Variants in TENM2 observed in about 807,000 individuals in gnomAD.
TENM2 encodes teneurin transmembrane protein 2.
A neutral mutation model predicts 245.2 loss-of-function variants in TENM2; 52 were observed. The ratio of observed to expected loss-of-function variants is 0.21; its 90% CI spans 0.17 to 0.27. TENM2 has a LOEUF of 0.27. TENM2 is among the 10% of genes least tolerant of loss of function. The probability of loss-of-function intolerance (pLI) is 1.00; values close to 1 mark genes in which losing one functional copy is unlikely to be tolerated. For missense variants in TENM2, 3,046 were observed against 3,666.8 expected, an observed-to-expected ratio of 0.83 and a Z score of 4.37; for synonymous variants, 1,363 against 1,438.9, an observed-to-expected ratio of 0.95 and a Z score of 1.19.
At chr5:167,087,502 C>A in the TENM2 span, among the ~76,000 whole-genome samples, 6 of 152,122 alleles carry the variant, frequency 3.9e-5, no homozygotes, top group African/African-American at 1.2e-4. Flanking sequence ...TTTTTAACCT[C>A]CTACAATTAA....
At chr5:167,415,706 G>T (rs1409100777) in intron 2 of TENM2, among the ~76,000 whole-genome samples, 1 of 151,974 alleles carries the variant, frequency 6.6e-6, no homozygotes, top group Non-Finnish European at 1.5e-5. Flanking sequence ...AAATTCTATG[G>T]TTGAAGTTTT....
the TENM2 span, among the ~76,000 whole-genome samples, chr5:167,224,009 T>A: frequency 6.6e-6 from 1 of 152,148 alleles, no homozygotes. Flanking sequence ...ATGTCTATCA[T>A]GTTCTTTGCC....
chr5:167,375,398 G>A, exon 2 of TENM2: 6 of 1,551,650 alleles, frequency 3.9e-6, no homozygotes, highest in Non-Finnish European at 5.2e-6. Context: ...GCGCAGTTCC[G>A]GCCTGTCCAG....
chr5:167,039,792 G>T, the TENM2 span, among the ~76,000 whole-genome samples: 3 of 151,524 alleles, frequency 2.0e-5, no homozygotes, highest in African/African-American at 7.3e-5. Flanking sequence ...TGGATTTTTT[G>T]TACCTTGAGT....
At chr5:167,555,671 T>C (rs1437902854) in intron 2 of TENM2, among the ~76,000 whole-genome samples, 1 of 152,092 alleles carries the variant, frequency 6.6e-6, no homozygotes, top group East Asian at 1.9e-4. Flanking sequence ...CTAAATCCCC[T>C]AGAGACAACT....
chr5:167,829,197 G>A (rs1768248659), intron 2 of TENM2, among the ~76,000 whole-genome samples: 1 of 152,208 alleles, frequency 6.6e-6, no homozygotes, highest in African/African-American at 2.4e-5. Flanking sequence ...TTATGAAGAA[G>A]AAGAAAAGTA....
At chr5:167,812,237 T>A (rs1177809095) in intron 2 of TENM2, among the ~76,000 whole-genome samples, 1 of 152,188 alleles carries the variant, frequency 6.6e-6, no homozygotes, top group African/African-American at 2.4e-5. Context: ...GATGATGGAA[T>A]GTAATGAAGG....
intron 2 of TENM2, among the ~76,000 whole-genome samples, chr5:167,793,005 T>C (rs1385707066): frequency 6.6e-6 from 1 of 152,156 alleles, no homozygotes; most frequent in Non-Finnish European, 1.5e-5. Context: ...GTACAAACAC[T>C]TCCTGGATTC....
chr5:167,190,339 T>C, the TENM2 span, among the ~76,000 whole-genome samples: 1 of 152,068 alleles, frequency 6.6e-6, no homozygotes, highest in Non-Finnish European at 1.5e-5. Flanking sequence ...TTAGCTCCCT[T>C]TAAGGTGAAG....
intron 2 of TENM2, among the ~76,000 whole-genome samples, chr5:167,493,106 T>A (rs1174264744): frequency 6.6e-6 from 1 of 151,988 alleles, no homozygotes; most frequent in Non-Finnish European, 1.5e-5. Flanking sequence ...CCCTGATAGG[T>A]TCATATTCAT....
chr5:167,107,091 C>CA, the TENM2 span, among the ~76,000 whole-genome samples: 2,896 of 68,872 alleles, frequency 0.042, 35 homozygotes, highest in East Asian at 0.057. Context: ...CTAAAAAATA[C>CA]AAAAAAAAAA....
chr5:167,324,976 C>T (rs1167130879), intron 1 of TENM2, among the ~76,000 whole-genome samples: 8 of 152,248 alleles, frequency 5.3e-5, no homozygotes, highest in East Asian at 1.9e-4. Flanking sequence ...CAAGTGTGAA[C>T]GTGGCTCTAG....
the TENM2 span, among the ~76,000 whole-genome samples, chr5:167,181,099 C>T: frequency 4.7e-3 from 709 of 151,918 alleles, 6 homozygotes; most frequent in African/African-American, 0.016. Context: ...CAGAATAGCA[C>T]AGAGATGCGC....
Position 168,247,101 on chromosome 5 carries a change from C to T in TENM2, c.6162C>T (p.Leu2054=), listed in dbSNP as rs766362602. ...CTGGTGTCTTGAAGATGGTCAACCT[C>T]CAAAGTGGGGGCTTCTCCTGCACCA... is the stretch of plus-strand genomic sequence containing the variant. Residue 2054 remains leucine, a synonymous_variant, in exon 27 of 29, where the codon CTC becomes CTT. Transcript: ENST00000518659. The surrounding 1 kb of genome is among the most constrained non-coding windows in gnomAD (Gnocchi z 7.8). The T allele has an allele frequency of 6.2e-7, 1 of 1,613,918 alleles. No homozygotes were observed. The highest frequency in any genetic ancestry group is 1.7e-5 in the Admixed American group (1 of 60,010).
intron 1 of TENM2, among the ~76,000 whole-genome samples, chr5:167,289,454 C>G (rs182237727): frequency 6.6e-6 from 1 of 151,940 alleles, no homozygotes; most frequent in Non-Finnish European, 1.5e-5. Flanking sequence ...AGGTCAAGGT[C>G]GAAGAAAAAA....
intron 2 of TENM2, among the ~76,000 whole-genome samples, chr5:167,519,337 C>T (rs1049149302): frequency 5.3e-5 from 8 of 152,012 alleles, no homozygotes; most frequent in Admixed American, 1.3e-4. Context: ...GTGTGTCGAC[C>T]GGTTGATCAA....
rs116977699 is a variant in TENM2, at chr5:167,405,294, A to G, written c.502+29821A>G. Among the ~76,000 whole-genome samples, 787 of 152,004 alleles carry G rather than the reference A, an allele frequency of 5.2e-3. 5 individuals are homozygous for G. Among genetic ancestry groups the G allele is most frequent in the Middle Eastern group, 0.027 (8 of 294 alleles). On this transcript the variant is annotated intron_variant, in intron 2 of 28. Transcript: ENST00000518659. ...TAGCATGGTGCAAAATAGGCCTTGA[A>G]GTTTCCTGCATCTGGGTGCAAACTC... is the stretch of plus-strand genomic sequence containing the variant.
intron 2 of TENM2, chr5:167,754,884 C>T (rs919462916): frequency 1.2e-6 from 1 of 843,786 alleles, no homozygotes; most frequent in Admixed American, 3.2e-5. Flanking sequence ...CTGAGGCTGT[C>T]TACAGGGAAG....
At chr5:167,863,458 TACACACAC>T (rs35475369) in intron 2 of TENM2, among the ~76,000 whole-genome samples, 23 of 143,230 alleles carry the variant, frequency 1.6e-4, no homozygotes, top group African/African-American at 5.1e-4. Context: ...CTACTAAAAA[TACACACAC>T]ACACACACAC....
Sources: allele counts gnomAD v4.1 joint callset (sites outside exome capture counted in the v4.1 genomes callset), GRCh38; gene constraint gnomAD v4.1.1; non-coding constraint Gnocchi (gnomAD v3.1); transcripts MANE v1.5; gene names NCBI Gene and HGNC (gene_info 2026-07-23, HGNC 2026-07-21).